DOCK4: variants seen among roughly 807,000 people sequenced by gnomAD.
DOCK4 encodes the protein dedicator of cytokinesis 4.
A neutral mutation model predicts 268.1 loss-of-function variants in DOCK4; 97 were observed. That is an observed-to-expected ratio of 0.36 (90% CI 0.31 to 0.43). The LOEUF is 0.43. Ranked by LOEUF, DOCK4 falls within the 20% of genes least tolerant of loss-of-function variation. The probability of loss-of-function intolerance (pLI) is 1.00; values close to 1 mark genes in which losing one functional copy is unlikely to be tolerated. For missense variants in DOCK4, 2,145 were observed against 2,455.7 expected (o/e 0.87, Z 2.67); for synonymous variants, 954 against 887.2 (o/e 1.08, Z -1.34).
intron 26 of DOCK4, among the ~76,000 whole-genome samples, chr7:111,829,485 G>A (rs1802651083): frequency 1.3e-5 from 2 of 152,176 alleles, no homozygotes; most frequent in South Asian, 4.1e-4. Context: ...ATGGGGTTGA[G>A]GAGGTGTTCC....
chr7:112,109,103 C>G (rs1811396784), intron 1 of DOCK4, among the ~76,000 whole-genome samples: 1 of 152,152 alleles, frequency 6.6e-6, no homozygotes, highest in Admixed American at 6.5e-5. Context: ...ATGTTCTCTT[C>G]CCTTAGGGGA....
intron 1 of DOCK4, among the ~76,000 whole-genome samples, chr7:112,010,455 G>A (rs1344455862): frequency 1.3e-5 from 2 of 152,182 alleles, no homozygotes; most frequent in Non-Finnish European, 2.9e-5. Context: ...CTTACCGCTG[G>A]GAACTCCCAG....
intron 30 of DOCK4, chr7:111,807,576 G>A (rs1382679407): frequency 6.6e-6 from 1 of 151,488 alleles, no homozygotes; most frequent in East Asian, 1.9e-4. Context: ...CCAGGTTCAA[G>A]TGATTCTCCT....
At chr7:112,099,963 G>T (rs148495172) in intron 1 of DOCK4, among the ~76,000 whole-genome samples, 1 of 152,140 alleles carries the variant, frequency 6.6e-6, no homozygotes, top group African/African-American at 2.4e-5. Context: ...TGCAAAACAA[G>T]AACTCACAAA....
chr7:112,193,657 C>T (rs932464753), intron 1 of DOCK4, among the ~76,000 whole-genome samples: 22 of 151,590 alleles, frequency 1.5e-4, no homozygotes, highest in South Asian at 4.2e-4. Flanking sequence ...GGTGGGCCTG[C>T]AGAGTCAGAT....
At chr7:111,759,010 CA>C (rs1431961668) in intron 40 of DOCK4, among the ~76,000 whole-genome samples, 10 of 151,960 alleles carry the variant, frequency 6.6e-5, no homozygotes. Flanking sequence ...GGTGAAGTAT[CA>C]GCTTGAAATT....
At chr7:111,882,209 T>C (rs1807449693) in intron 16 of DOCK4, among the ~76,000 whole-genome samples, 2 of 152,180 alleles carry the variant, frequency 1.3e-5, no homozygotes, top group African/African-American at 4.8e-5. Flanking sequence ...TCACCTACTA[T>C]GTACCCACAA....
intron 1 of DOCK4, among the ~76,000 whole-genome samples, chr7:112,138,156 T>C (rs1199952264): frequency 6.6e-6 from 1 of 152,260 alleles, no homozygotes; most frequent in Non-Finnish European, 1.5e-5. Flanking sequence ...CCTCCTATTC[T>C]GTTATTTCCC....
chr7:111,807,054 T>C (rs757753765), intron 30 of DOCK4, among the ~76,000 whole-genome samples: 1 of 152,220 alleles, frequency 6.6e-6, no homozygotes, highest in Non-Finnish European at 1.5e-5. Context: ...ATAGCTATTA[T>C]GGTTTGGATA....
At chr7:111,913,332 G>T (rs1391255362) in intron 13 of DOCK4, among the ~76,000 whole-genome samples, 1 of 151,968 alleles carries the variant, frequency 6.6e-6, no homozygotes, top group Non-Finnish European at 1.5e-5. Context: ...CATTTTGGGA[G>T]GCCAAAGCAG....
chr7:111,778,387 A>G lies in DOCK4; in HGVS notation c.3586-18T>C. On this transcript the variant is annotated intron_variant, in intron 35 of 52. Coordinates refer to ENST00000428084, the MANE Select transcript of DOCK4 (RefSeq NM_001363540.2). ...TAGAAGTTCTGTAAAAAAAGAGTAC[A>G]GGTATGGATAGTTCCTCAACAATCT... 5 of 1,511,748 alleles carry G rather than the reference A, an allele frequency of 3.3e-6. No homozygotes were observed. The highest frequency in any genetic ancestry group is 4.6e-6 in the Non-Finnish European group (5 of 1,090,648). The allele number at this position is 1,511,748 out of a possible 1,614,324, so 93.6% of individuals were successfully genotyped here.
chr7:111,739,812 A>C, intron 47 of DOCK4: 3 of 357,368 alleles, frequency 8.4e-6, no homozygotes, highest in Admixed American at 4.2e-5. Flanking sequence ...AAAAGGCATA[A>C]AATATGCCTT....
chr7:112,125,422 A>G (rs1813124280), intron 1 of DOCK4, among the ~76,000 whole-genome samples: 1 of 152,242 alleles, frequency 6.6e-6, no homozygotes, highest in South Asian at 2.1e-4. Context: ...ACAAAGCTCA[A>G]TTGTACTTCT....
intron 12 of DOCK4, among the ~76,000 whole-genome samples, chr7:111,919,520 T>A (rs75334754): frequency 6.6e-6 from 1 of 152,146 alleles, no homozygotes. Flanking sequence ...TACTAAAAGT[T>A]TGATAGATAC....
At chr7:111,974,317 C>T (rs1260815422) in intron 8 of DOCK4, among the ~76,000 whole-genome samples, 1 of 152,030 alleles carries the variant, frequency 6.6e-6, no homozygotes, top group Non-Finnish European at 1.5e-5. Flanking sequence ...TTCCAAACAT[C>T]TAGTAAGCAT....
chr7:112,146,495 G>C (rs1221132425), intron 1 of DOCK4, among the ~76,000 whole-genome samples: 1 of 152,214 alleles, frequency 6.6e-6, no homozygotes, highest in Non-Finnish European at 1.5e-5. Context: ...ATTTTGGGAG[G>C]CTGAGGCAGG....
At chr7:112,119,253 T>C (rs1483770032) in intron 1 of DOCK4, among the ~76,000 whole-genome samples, 2 of 152,116 alleles carry the variant, frequency 1.3e-5, no homozygotes, top group African/African-American at 4.8e-5. Flanking sequence ...CTTTGCCAGA[T>C]AGAAGCCTCC....
At chr7:112,183,928 C>A (rs539265076) in intron 1 of DOCK4, among the ~76,000 whole-genome samples, 4 of 152,246 alleles carry the variant, frequency 2.6e-5, no homozygotes, top group African/African-American at 9.6e-5. Context: ...TCCTACAGTA[C>A]CTTCTCAACT....
rs1272604588 is a variant in DOCK4, at chr7:111,735,135, C to T, written c.5338G>A (p.Asp1780Asn). The change falls in exon 51 of 53, where the codon GAC becomes AAC. Residue 1780 changes from aspartate (D) to asparagine (N), a missense_variant. By Grantham distance (23) the Asp-to-Asn change is conservative (BLOSUM62 1). This residue lies in a region of DOCK4 where 547 missense variants were observed against 469.0 expected (regional missense o/e 1.17). Coordinates refer to ENST00000428084, the MANE Select transcript of DOCK4 (RefSeq NM_001363540.2). ...ATGTTCTTGGCTTCCTTCCCACTGT[C>T]CAGGCTCCAGCTGCTAGGGGTGGGG... ...VNPTPSSWSLDSGKEAKNMSD... is the reference protein window; with the variant it reads ...VNPTPSSWSLNSGKEAKNMSD... The T allele has an allele frequency of 1.3e-6, 2 of 1,597,014 alleles. No homozygotes were observed. The highest frequency in any genetic ancestry group is 1.7e-5 in the Admixed American group (1 of 57,582).
Sources: gnomAD v4.1 joint callset for allele counts (sites outside exome capture counted in the v4.1 genomes callset) on GRCh38, gnomAD v4.1.1 for gene constraint, gnomAD v4.1.1 regional missense constraint, MANE v1.5 for transcripts, NCBI Gene and HGNC (gene_info 2026-07-23, HGNC 2026-07-21) for gene names.